UTRN: variants seen among roughly 807,000 people sequenced by gnomAD.
UTRN encodes dystrophin-related protein 1.
A neutral mutation model predicts 463.9 loss-of-function variants in UTRN; 283 were observed. The observed-to-expected ratio is 0.61, with a 90% CI of 0.55 to 0.67. The LOEUF is 0.67. Among genes scored for constraint, UTRN ranks in the 30% least tolerant of loss-of-function variants. The pLI is 0.00. For synonymous variants in UTRN, 1,442 were observed against 1,431.5 expected, an observed-to-expected ratio of 1.01 and a Z score of -0.17; for missense variants, 3,922 against 4,084.3, an observed-to-expected ratio of 0.96 and a Z score of 1.08.
chr6:144,488,582 T>C (rs1158536644), intron 29 of UTRN, 91 bp from the exon 30 acceptor site: 5 of 1,281,724 alleles, frequency 3.9e-6, no homozygotes, highest in African/African-American at 1.5e-5. Flanking sequence ...GATGAAAGCT[T>C]TTATGGTCTT....
intron 51 of UTRN, among the ~76,000 whole-genome samples, chr6:144,595,853 A>G (rs533390093): frequency 6.6e-5 from 10 of 152,282 alleles, no homozygotes; most frequent in African/African-American, 2.4e-4. Flanking sequence ...ATAGGTAGTG[A>G]ATAACCTGAA....
In UTRN at chr6:144,415,440, T is replaced by C. The variant is rs537007517; in HGVS notation, c.142-6438T>C. Among the ~76,000 whole-genome samples the C allele has an allele frequency of 2.1e-4, 32 of 152,364 alleles. No individual in the cohort carries two copies. In the South Asian group the frequency reaches 2.7e-3, roughly 13 times the overall value. On this transcript the variant is annotated intron_variant, in intron 3 of 74. Transcript: ENST00000367545. ...CTGATTTGTTATTGATACAAAGAAT[T>C]AGAATTTCACTCTTTTAAGAAATCC... is the stretch of plus-strand genomic sequence containing the variant.
In UTRN at chr6:144,345,466, G is replaced by A. The variant is rs1042675233; in HGVS notation, c.79+53559G>A. On this transcript the variant is annotated intron_variant, in intron 2 of 74. Transcript: ENST00000367545. ...GCGGCATGAGGATCACTTGAGGCCT[G>A]GAGTTCGAGACCACTCTGGGCAACA... 2.6e-5 allele frequency among the ~76,000 whole-genome samples: 4 copies of A among 152,086 alleles called. No homozygotes were observed. In the East Asian group the frequency reaches 7.7e-4, roughly 29 times the overall value.
intron 8 of UTRN, 133 bp downstream of exon 8, chr6:144,429,026 C>T (rs1010332890): frequency 3.4e-5 from 19 of 561,384 alleles, no homozygotes; most frequent in African/African-American, 1.7e-4. Context: ...AGTATAGGTG[C>T]GAGTCATTTT....
At chr6:144,732,563 T>C (rs917422781) in intron 54 of UTRN, among the ~76,000 whole-genome samples, 2 of 152,034 alleles carry the variant, frequency 1.3e-5, no homozygotes, top group African/African-American at 4.8e-5. Context: ...TATTCGTGTT[T>C]CTCCCCTGAT....
intron 23 of UTRN, among the ~76,000 whole-genome samples, chr6:144,471,757 G>A (rs528049526): frequency 2.0e-3 from 311 of 152,322 alleles, no homozygotes; most frequent in Middle Eastern, 3.4e-3. Context: ...GCAGCTTGGG[G>A]AAAGTGTGCA....
chr6:144,703,364 A>G (rs1292548439), intron 53 of UTRN, among the ~76,000 whole-genome samples: 1 of 152,234 alleles, frequency 6.6e-6, no homozygotes, highest in Non-Finnish European at 1.5e-5. Flanking sequence ...AAGAAAGATC[A>G]GGATTAGAGA....
chr6:144,588,093 C>T (rs907614219), intron 51 of UTRN, among the ~76,000 whole-genome samples: 7 of 152,078 alleles, frequency 4.6e-5, no homozygotes, highest in Admixed American at 1.3e-4. Flanking sequence ...CTCTACTCTG[C>T]GTTTGTTTCT....
chr6:144,368,776 A>G (rs987826777), intron 2 of UTRN, among the ~76,000 whole-genome samples: 5 of 152,188 alleles, frequency 3.3e-5, no homozygotes, highest in African/African-American at 1.2e-4. Flanking sequence ...AAAAAGAAAA[A>G]AAAAGGATTA....
chr6:144,543,631 T>G (rs1354200827), intron 46 of UTRN, among the ~76,000 whole-genome samples: 1 of 152,168 alleles, frequency 6.6e-6, no homozygotes, highest in Non-Finnish European at 1.5e-5. Context: ...CTCCTCCTCC[T>G]TGACTTCCAT....
At chr6:144,422,905 G>A (rs774184851) in intron 4 of UTRN, among the ~76,000 whole-genome samples, 1 of 152,148 alleles carries the variant, frequency 6.6e-6, no homozygotes, top group Non-Finnish European at 1.5e-5. Context: ...CCAGGTAGTG[G>A]GTAGACAACT....
chr6:144,789,146 T>C (rs767723756), intron 61 of UTRN, 48 bp from the exon 62 acceptor site: 1 of 1,418,846 alleles, frequency 7.0e-7, no homozygotes, highest in South Asian at 1.2e-5. Context: ...GAACATGCTG[T>C]ATATGGTTTT....
At chr6:144,421,230 C>T (rs1784808509) in intron 3 of UTRN, among the ~76,000 whole-genome samples, 1 of 152,152 alleles carries the variant, frequency 6.6e-6, no homozygotes, top group South Asian at 2.1e-4. Context: ...TGGTCTCAAA[C>T]TTCTGAGCTT....
intron 50 of UTRN, among the ~76,000 whole-genome samples, chr6:144,564,839 G>A (rs566659341): frequency 6.6e-6 from 1 of 152,136 alleles, no homozygotes; most frequent in East Asian, 1.9e-4. Context: ...ATTTGGGTGT[G>A]GATACAAAAC....
intron 3 of UTRN, among the ~76,000 whole-genome samples, chr6:144,419,541 C>G (rs950179549): frequency 3.3e-5 from 5 of 152,196 alleles, no homozygotes; most frequent in Non-Finnish European, 7.3e-5. Flanking sequence ...GGTTGAAAAA[C>G]TACCTACTGG....
At position 144,789,216 on chromosome 6, in the gene UTRN, G is replaced by A; in HGVS notation, c.8857G>A (p.Val2953Met). Reference sequence around the variant, plus strand: ...TAGGGGTCGAACTGGAAAAATTAGAGTGCAGAGTCTGAAGATTGGATTAAT... The same window carrying A: ...TAGGGGTCGAACTGGAAAAATTAGAATGCAGAGTCTGAAGATTGGATTAAT... ...YDTGRTGKIRVQSLKIGLMSL... is the reference protein window; with the variant it reads ...YDTGRTGKIRMQSLKIGLMSL... Residue 2953 changes from valine (V) to methionine (M), a missense_variant, in exon 62 of 75, where the codon GTG becomes ATG. Val to Met is a conservative substitution (Grantham distance 21, BLOSUM62 1). This residue lies in a region of UTRN where 1,309 missense variants were observed against 1,452.6 expected (regional missense o/e 0.90). Transcript: ENST00000367545. The A allele has an allele frequency of 1.2e-6, 2 of 1,613,400 alleles. No homozygotes were observed. Among genetic ancestry groups the A allele is most frequent in the Non-Finnish European group, 1.7e-6 (2 of 1,179,692 alleles).
intron 51 of UTRN, among the ~76,000 whole-genome samples, chr6:144,606,475 A>G (rs1331707681): frequency 6.6e-6 from 1 of 152,170 alleles, no homozygotes; most frequent in African/African-American, 2.4e-5. Context: ...CATTTTCAAT[A>G]TTTTCATTAG....
intron 2 of UTRN, among the ~76,000 whole-genome samples, chr6:144,350,126 C>T (rs925706317): frequency 6.6e-6 from 1 of 152,080 alleles, no homozygotes; most frequent in Admixed American, 6.6e-5. Flanking sequence ...GGCAGGAATT[C>T]CTGTGGCCCT....
intron 2 of UTRN, among the ~76,000 whole-genome samples, chr6:144,380,345 T>C (rs143308170): frequency 1.3e-5 from 2 of 152,334 alleles, no homozygotes; most frequent in East Asian, 3.9e-4. Context: ...AGGATGTATA[T>C]AAACCTGTTA....
Sources: gnomAD v4.1 joint callset for allele counts (sites outside exome capture counted in the v4.1 genomes callset) on GRCh38, gnomAD v4.1.1 for gene constraint, gnomAD v4.1.1 regional missense constraint, MANE v1.5 for transcripts, NCBI Gene and HGNC (gene_info 2026-07-23, HGNC 2026-07-21) for gene names.